Variants in LGSN observed in about 807,000 individuals in gnomAD.
LGSN encodes lengsin, lens protein with glutamine synthetase domain.
LGSN carries 21 observed loss-of-function variants against 19.5 expected under a neutral mutation model. The ratio of observed to expected loss-of-function variants is 1.07; its 90% CI spans 0.76 to 1.55. LGSN has a LOEUF of 1.55. Among genes scored for constraint, LGSN ranks in the 40% most tolerant of loss-of-function variants. The pLI, the probability that LGSN is intolerant of heterozygous loss-of-function variation, is 0.00. For missense variants in LGSN, 673 were observed against 608.5 expected (o/e 1.11, Z -1.12); for synonymous variants, 257 against 215.6 (o/e 1.19, Z -1.68).
chr6:63,376,501 C>G, the LGSN span, among the ~76,000 whole-genome samples: 7 of 152,208 alleles, frequency 4.6e-5, no homozygotes, highest in Admixed American at 3.9e-4. Context: ...AGAAAAATCA[C>G]TATGCTCAGA....
chr6:63,330,908 G>T, the LGSN span, among the ~76,000 whole-genome samples: 1 of 152,314 alleles, frequency 6.6e-6, no homozygotes, highest in African/African-American at 2.4e-5. Context: ...CGAGGTCAAA[G>T]GTTTGCCCTA....
upstream of LGSN, among the ~76,000 whole-genome samples, chr6:63,323,608 G>T (rs1769147699): frequency 1.8e-5 from 2 of 108,520 alleles, no homozygotes. Flanking sequence ...ACACACACAG[G>T]TTATGTTAAT....
chr6:63,349,098 A>G, the LGSN span, among the ~76,000 whole-genome samples: 3 of 152,236 alleles, frequency 2.0e-5, no homozygotes, highest in Admixed American at 2.0e-4. Flanking sequence ...CAATTTAATG[A>G]TGCATGAAGA....
chr6:63,279,966 T>C lies in LGSN; in HGVS notation c.*55A>G, dbSNP rs1767224544. The C allele has an allele frequency of 1.4e-6, 2 of 1,459,620 alleles. No homozygotes were observed. The highest frequency in any genetic ancestry group is 1.8e-6 in the Non-Finnish European group (2 of 1,086,022). 90.4% of individuals were successfully genotyped at this position (1,459,620 alleles called of 1,614,324 possible). ...CAAAAGTTCAGTCTTTTTGTTTTGGTAGATTAGCTTTAAGTAACAATTACA... is the reference window on the plus strand; with the variant it reads ...CAAAAGTTCAGTCTTTTTGTTTTGGCAGATTAGCTTTAAGTAACAATTACA... On this transcript the variant is annotated 3_prime_UTR_variant, in exon 4 of 4. Transcript: ENST00000370657.
the LGSN span, among the ~76,000 whole-genome samples, chr6:63,456,375 A>AC: frequency 2.7e-5 from 1 of 37,348 alleles, no homozygotes; most frequent in Non-Finnish European, 8.4e-5. Flanking sequence ...ATATATATAT[A>AC]TATATATATA....
At chr6:63,367,281 G>A in the LGSN span, among the ~76,000 whole-genome samples, 1 of 152,080 alleles carries the variant, frequency 6.6e-6, no homozygotes, top group South Asian at 2.1e-4. Flanking sequence ...GTGGGTGAAG[G>A]ACATGAACAG....
the LGSN span, among the ~76,000 whole-genome samples, chr6:63,514,934 A>G: frequency 9.9e-5 from 15 of 151,850 alleles, no homozygotes; most frequent in East Asian, 2.9e-3. Context: ...AAACTCCTGG[A>G]TGAAAGGGTA....
chr6:63,333,224 A>T, the LGSN span, among the ~76,000 whole-genome samples: 3 of 151,970 alleles, frequency 2.0e-5, no homozygotes, highest in Non-Finnish European at 4.4e-5. Flanking sequence ...GTCTGTTTTG[A>T]CAGGGCGCTG....
chr6:63,355,864 A>G, the LGSN span, among the ~76,000 whole-genome samples: 3 of 152,128 alleles, frequency 2.0e-5, no homozygotes, highest in Non-Finnish European at 4.4e-5. Context: ...TATTTAGTGG[A>G]GACGGGGTTT....
the LGSN span, among the ~76,000 whole-genome samples, chr6:63,467,781 T>C: frequency 1.3e-5 from 2 of 152,140 alleles, no homozygotes; most frequent in Non-Finnish European, 2.9e-5. Context: ...AACCTCAGCC[T>C]CCCGGGTTCA....
chr6:63,462,583 T>C, the LGSN span, among the ~76,000 whole-genome samples: 31 of 152,322 alleles, frequency 2.0e-4, no homozygotes, highest in South Asian at 2.1e-3. Context: ...TGCAGTGAGC[T>C]GAGATCGCAC....
At chr6:63,385,332 A>G in the LGSN span, among the ~76,000 whole-genome samples, 4 of 152,198 alleles carry the variant, frequency 2.6e-5, no homozygotes, top group African/African-American at 9.7e-5. Flanking sequence ...ACATAAAACA[A>G]AAACTTATTT....
the LGSN span, among the ~76,000 whole-genome samples, chr6:63,502,175 C>A: frequency 2.0e-5 from 3 of 152,224 alleles, no homozygotes; most frequent in East Asian, 1.9e-4. Flanking sequence ...TCAGAGGGAG[C>A]CTTAACCACC....
chr6:63,453,956 G>A, the LGSN span, among the ~76,000 whole-genome samples: 4 of 151,726 alleles, frequency 2.6e-5, no homozygotes, highest in Non-Finnish European at 4.4e-5. Flanking sequence ...GCGCCCGGCC[G>A]TCATTATAAT....
At chr6:63,470,045 T>C in the LGSN span, among the ~76,000 whole-genome samples, 1 of 152,068 alleles carries the variant, frequency 6.6e-6, no homozygotes, top group Non-Finnish European at 1.5e-5. Context: ...ATAATTAGTA[T>C]TTGTAATTTC....
chr6:63,477,814 T>C, the LGSN span, among the ~76,000 whole-genome samples: 10 of 149,038 alleles, frequency 6.7e-5, no homozygotes, highest in Non-Finnish European at 1.5e-5. Context: ...GATTACAGAT[T>C]ACAGGTATGA....
At chr6:63,313,092 A>AAG (rs1328529480) in intron 1 of LGSN, among the ~76,000 whole-genome samples, 2 of 152,228 alleles carry the variant, frequency 1.3e-5, no homozygotes, top group Non-Finnish European at 2.9e-5. Context: ...CTGAGAAAAT[A>AAG]AGAGATGTAA....
chr6:63,570,678 C>T, the LGSN span, among the ~76,000 whole-genome samples: 4 of 152,224 alleles, frequency 2.6e-5, no homozygotes, highest in Admixed American at 6.5e-5. Flanking sequence ...AATGCCATTA[C>T]ATGAAAAAGT....
the LGSN span, among the ~76,000 whole-genome samples, chr6:63,326,306 C>T: frequency 3.3e-5 from 5 of 152,122 alleles, no homozygotes; most frequent in Non-Finnish European, 7.4e-5. Flanking sequence ...TACAGAGTGC[C>T]GATTGGTATA....
Sources: allele counts gnomAD v4.1 joint callset (sites outside exome capture counted in the v4.1 genomes callset), GRCh38; gene constraint gnomAD v4.1.1; transcripts MANE v1.5; gene names NCBI Gene and HGNC (gene_info 2026-07-23, HGNC 2026-07-21).